KCNN3: variants seen among roughly 807,000 people sequenced by gnomAD.
KCNN3 encodes the protein small conductance calcium-activated potassium channel protein 3.
KCNN3 carries 16 observed loss-of-function variants against 62.9 expected under a neutral mutation model. That is an observed-to-expected ratio of 0.25 (90% CI 0.17 to 0.39). The LOEUF is 0.39. Among genes scored for constraint, KCNN3 ranks in the 10% least tolerant of loss-of-function variants. KCNN3 has a pLI of 1.00. For synonymous variants in KCNN3, 370 were observed against 389.2 expected, an observed-to-expected ratio of 0.95 and a Z score of 0.58; for missense variants, 599 against 949.4, an observed-to-expected ratio of 0.63 and a Z score of 4.85.
chr1:154,864,006 G>T (rs1441290430), intron 1 of KCNN3, among the ~76,000 whole-genome samples: 1 of 152,210 alleles, frequency 6.6e-6, no homozygotes, highest in Non-Finnish European at 1.5e-5. Context: ...ACCCTGGGGC[G>T]GGTGGCGGAG....
chr1:154,867,199 G>A (rs1417438430), intron 1 of KCNN3, among the ~76,000 whole-genome samples: 4 of 152,324 alleles, frequency 2.6e-5, no homozygotes, highest in African/African-American at 9.6e-5. Context: ...CAGTCCTAGC[G>A]AGGCTGCCAG....
chr1:154,780,179 CTTTTTTCT>C (rs1571267967), intron 2 of KCNN3, among the ~76,000 whole-genome samples: 2 of 126,912 alleles, frequency 1.6e-5, no homozygotes, highest in African/African-American at 3.0e-5. Context: ...GGAAGCTTGC[CTTTTTTCT>C]TTTTTTCTTT....
chr1:154,775,638 C>A (rs1022540658), intron 2 of KCNN3, among the ~76,000 whole-genome samples: 2 of 121,812 alleles, frequency 1.6e-5, no homozygotes, highest in East Asian at 5.6e-4. Context: ...GGCTGAGAGG[C>A]TCACCTGGTG....
intron 1 of KCNN3, among the ~76,000 whole-genome samples, chr1:154,851,176 A>C (rs371304765): frequency 1.3e-5 from 2 of 152,004 alleles, no homozygotes; most frequent in Non-Finnish European, 2.9e-5. Flanking sequence ...ACGGGGTTTC[A>C]CCATGTTGGC....
At chr1:154,805,044 GC>G (rs1202694621) in intron 2 of KCNN3, among the ~76,000 whole-genome samples, 5 of 152,218 alleles carry the variant, frequency 3.3e-5, no homozygotes, top group African/African-American at 1.2e-4. Context: ...TGCAAGAGGG[GC>G]GTGAGAGATG....
intron 3 of KCNN3, among the ~76,000 whole-genome samples, chr1:154,738,602 G>A (rs1027649840): frequency 9.9e-5 from 15 of 152,190 alleles, no homozygotes; most frequent in Non-Finnish European, 5.9e-5. Context: ...TAGGACAGGT[G>A]CTCACCAGGT....
At chr1:154,743,027 C>G (rs1700858241) in intron 3 of KCNN3, among the ~76,000 whole-genome samples, 1 of 152,212 alleles carries the variant, frequency 6.6e-6, no homozygotes, top group African/African-American at 2.4e-5. Flanking sequence ...TTATCTCCAT[C>G]AAATTCTGTC....
At chr1:154,718,005 C>T (rs1286615166) in intron 5 of KCNN3, among the ~76,000 whole-genome samples, 2 of 152,186 alleles carry the variant, frequency 1.3e-5, no homozygotes, top group East Asian at 1.9e-4. Context: ...CTCCATGCAC[C>T]CTTCCTTGAG....
chr1:154,785,966 T>A (rs1159044739), intron 2 of KCNN3, among the ~76,000 whole-genome samples: 1 of 152,018 alleles, frequency 6.6e-6, no homozygotes, highest in African/African-American at 2.4e-5. Flanking sequence ...AAAGTGAACA[T>A]CCCCCAGACC....
intron 1 of KCNN3, chr1:154,859,917 C>G: frequency 8.4e-7 from 1 of 1,194,780 alleles, no homozygotes; most frequent in Admixed American, 2.3e-5. Flanking sequence ...ATAACAGATG[C>G]CAATTTGCAT....
chr1:154,754,764 T>C (rs921578778), intron 3 of KCNN3, among the ~76,000 whole-genome samples: 1 of 152,236 alleles, frequency 6.6e-6, no homozygotes, highest in Non-Finnish European at 1.5e-5. Context: ...CTTTCCGGAC[T>C]TCTTTGGCGT....
intron 1 of KCNN3, among the ~76,000 whole-genome samples, chr1:154,827,990 C>A (rs1651208258): frequency 6.6e-6 from 1 of 152,088 alleles, no homozygotes; most frequent in South Asian, 2.1e-4. Context: ...ACTGTCCAAC[C>A]TGAGACCGGG....
intron 3 of KCNN3, among the ~76,000 whole-genome samples, chr1:154,764,200 A>G (rs757956502): frequency 7.2e-5 from 11 of 152,228 alleles, no homozygotes; most frequent in Non-Finnish European, 8.8e-5. Context: ...ATTGTTATAA[A>G]TTTTAAGTTT....
chr1:154,761,507 C>T (rs1197494295), intron 3 of KCNN3, among the ~76,000 whole-genome samples: 1 of 152,046 alleles, frequency 6.6e-6, no homozygotes, highest in African/African-American at 2.4e-5. Flanking sequence ...AAGAAATCAA[C>T]TTAATGTTTC....
chr1:154,858,736 CTTT>C (rs66459758), intron 1 of KCNN3, among the ~76,000 whole-genome samples: 18 of 141,782 alleles, frequency 1.3e-4, no homozygotes, highest in Non-Finnish European at 9.3e-5. Context: ...AGTCATGTAA[CTTT>C]TTTTTTTTTT....
intron 3 of KCNN3, among the ~76,000 whole-genome samples, chr1:154,736,185 T>A (rs370586865): frequency 1.2e-4 from 19 of 152,236 alleles, no homozygotes; most frequent in African/African-American, 4.6e-4. Flanking sequence ...AATTTCCTTA[T>A]CCAATGATGG....
At chr1:154,710,250 C>T (rs1461570874) in intron 7 of KCNN3, among the ~76,000 whole-genome samples, 1 of 152,118 alleles carries the variant, frequency 6.6e-6, no homozygotes, top group African/African-American at 2.4e-5. Flanking sequence ...GAGGCTACAG[C>T]ACAAAGACAG....
chr1:154,741,450 G>C (rs1038137293), intron 3 of KCNN3, among the ~76,000 whole-genome samples: 1 of 152,320 alleles, frequency 6.6e-6, no homozygotes, highest in African/African-American at 2.4e-5. Context: ...CTCTACAAAA[G>C]TGAGGCTTGC....
At chr1:154,846,393 C>T (rs975222653) in intron 1 of KCNN3, among the ~76,000 whole-genome samples, 26 of 152,190 alleles carry the variant, frequency 1.7e-4, no homozygotes, top group African/African-American at 6.0e-4. Flanking sequence ...ATTTACAGCC[C>T]CCGAGGCTCC....
Sources: gnomAD v4.1 joint callset for allele counts (sites outside exome capture counted in the v4.1 genomes callset) on GRCh38, gnomAD v4.1.1 for gene constraint, MANE v1.5 for transcripts, NCBI Gene and HGNC (gene_info 2026-07-23, HGNC 2026-07-21) for gene names.